The following SLC12A5 variants were observed in gnomAD, a reference collection of about 807,000 sequenced individuals.
SLC12A5 encodes K-Cl cotransporter 2.
A neutral mutation model predicts 124.0 loss-of-function variants in SLC12A5; 18 were observed. The observed-to-expected ratio is 0.15, with a 90% CI of 0.10 to 0.22. The LOEUF (loss-of-function observed/expected upper bound fraction) is 0.22, where lower values mean the gene tolerates loss of function less well. Ranked by LOEUF, SLC12A5 falls within the 10% of genes least tolerant of loss-of-function variation. The pLI is 1.00. For missense variants in SLC12A5, 867 were observed against 1,478.7 expected (o/e 0.59, Z 6.78); for synonymous variants, 589 against 568.0 (o/e 1.04, Z -0.53).
At chr20:46,044,725 C>T (rs2297196) in intron 11 of SLC12A5, 22 of 530,166 alleles carry the variant, frequency 4.1e-5, no homozygotes, top group Middle Eastern at 4.9e-4. Context: ...CAGTGGGGGA[C>T]GTGGGGCTGG....
chr20:46,057,431 G>T lies in SLC12A5; in HGVS notation c.3260-83G>T, dbSNP rs906387280. 1.9e-6 allele frequency: 3 copies of T among 1,600,974 alleles called. No individual in the cohort carries two copies. The highest frequency in any genetic ancestry group is 1.3e-5 in the African/African-American group (1 of 74,596). On this transcript the variant is annotated intron_variant, in intron 25 of 25. Coordinates refer to ENST00000243964, the MANE Select transcript of SLC12A5 (RefSeq NM_020708.5). This position sits in a 1 kb window ranked among gnomAD's most constrained non-coding sequence, Gnocchi z 7.1. ...GCACCTCGGACAGGGACACGGGCGC[G>T]AGAGGTCCCCTGGCAGCCGAGCGCG...
intron 17 of SLC12A5, among the ~76,000 whole-genome samples, chr20:46,050,186 G>A (rs1400710202): frequency 2.0e-5 from 3 of 152,242 alleles, no homozygotes; most frequent in African/African-American, 7.2e-5. Flanking sequence ...GGGTTGACAA[G>A]GTGAGTATCC....
At position 46,043,792 on chromosome 20, in the gene SLC12A5, A is replaced by AT; in HGVS notation, c.1336+61_1336+62insT. The AT allele has an allele frequency of 1.1e-5, 18 of 1,611,020 alleles. No homozygotes were observed. The South Asian group carries it at 1.9e-4, about 17-fold the overall frequency. On this transcript the variant is annotated intron_variant, in intron 10 of 25. Coordinates refer to ENST00000243964, the MANE Select transcript of SLC12A5 (RefSeq NM_020708.5). ...GGAGGGCAAGAGGGAGGGCAGCTGA[A>AT]CTTGCTGCCTTACCTGCTGGTGCAG...
At position 46,031,065 on chromosome 20, in the gene SLC12A5, G is replaced by C. The variant is rs543387159; in HGVS notation, c.52+1669G>C. Among the ~76,000 whole-genome samples the C allele has an allele frequency of 3.6e-3, 545 of 152,290 alleles. 2 individuals are homozygous for C. Among genetic ancestry groups the C allele is most frequent in the Non-Finnish European group, 5.0e-3 (343 of 68,026 alleles). ...CTTCAGATGCCTCCACTCTGAGAGG[G>C]GGACTCAGATGGAGAGCATCTCTCT... is the stretch of plus-strand genomic sequence containing the variant. On this transcript the variant is annotated intron_variant, in intron 1 of 25. Coordinates refer to ENST00000243964, the MANE Select transcript of SLC12A5 (RefSeq NM_020708.5).
intron 1 of SLC12A5, among the ~76,000 whole-genome samples, chr20:46,030,918 C>A (rs999037134): frequency 1.3e-5 from 2 of 151,862 alleles, no homozygotes; most frequent in South Asian, 2.1e-4. Context: ...ACCCTGGGAT[C>A]ACCTCATCCA....
chr20:46,035,584 G>T (rs1363527781), intron 3 of SLC12A5, 49 bp downstream of exon 3: 1 of 1,557,502 alleles, frequency 6.4e-7, no homozygotes. Flanking sequence ...CGGATGGGGG[G>T]TGGGGGAGGA....
In SLC12A5 at chr20:46,034,252, G is replaced by A. The variant is rs546652533; in HGVS notation, c.53-696G>A. Among the ~76,000 whole-genome samples the A allele has an allele frequency of 5.9e-5, 9 of 152,226 alleles. No homozygotes were observed. In the South Asian group the frequency reaches 6.2e-4, roughly 11 times the overall value. On this transcript the variant is annotated intron_variant, in intron 1 of 25. Coordinates refer to ENST00000243964, the MANE Select transcript of SLC12A5 (RefSeq NM_020708.5). ...TCTTACTCATTCTTCAGCTCTCAGC[G>A]GACACGTCACTTCCTCTGGGAAGAC...
intron 17 of SLC12A5, among the ~76,000 whole-genome samples, chr20:46,050,223 C>A (rs1342938866): frequency 6.6e-6 from 1 of 152,206 alleles, no homozygotes; most frequent in African/African-American, 2.4e-5. Context: ...GAAACTGAGA[C>A]CCAGAGAGGG....
At chr20:46,026,600 G>A (rs1402883200), upstream of SLC12A5, among the ~76,000 whole-genome samples, 1 of 152,264 alleles carries the variant, frequency 6.6e-6, no homozygotes, top group African/African-American at 2.4e-5. Context: ...GGGCTCCTTA[G>A]GAAGGGATAT....
intron 20 of SLC12A5, 27 bp from the exon 21 acceptor site, chr20:46,054,889 C>T: frequency 6.3e-7 from 1 of 1,582,138 alleles, no homozygotes; most frequent in Non-Finnish European, 8.7e-7. Context: ...TCCCCACCCC[C>T]CAACCCCAAC....
chr20:46,046,169 G>T (rs975943979), intron 13 of SLC12A5, among the ~76,000 whole-genome samples, 169 bp from the exon 14 acceptor site: 26 of 152,252 alleles, frequency 1.7e-4, no homozygotes, highest in African/African-American at 6.0e-4. Flanking sequence ...CGTGTTATTA[G>T]GGTGTGTTGT....
intron 8 of SLC12A5, among the ~76,000 whole-genome samples, chr20:46,042,840 G>C (rs571128171): frequency 6.6e-6 from 1 of 152,218 alleles, no homozygotes; most frequent in African/African-American, 2.4e-5. Flanking sequence ...CTGGTTTGGG[G>C]TGGGTGGAGG....
Position 46,059,020 on chromosome 20 carries a change from C to A in SLC12A5, c.*1415C>A. On this transcript the variant is annotated 3_prime_UTR_variant, in exon 26 of 26. Coordinates refer to ENST00000243964, the MANE Select transcript of SLC12A5 (RefSeq NM_020708.5). Reference sequence around the variant, plus strand: ...GACCCAGGGCCTTTGGCTTCCCCAGCTCATCCTTGGCCCTTCCGCTCCACC... The same window carrying A: ...GACCCAGGGCCTTTGGCTTCCCCAGATCATCCTTGGCCCTTCCGCTCCACC... The A allele has an allele frequency of 3.1e-6, 1 of 321,242 alleles. No individual in the cohort carries two copies. Among genetic ancestry groups the A allele is most frequent in the Non-Finnish European group, 5.6e-6 (1 of 178,218 alleles). 19.9% of individuals were successfully genotyped at this position (321,242 alleles called of 1,614,324 possible). A position where few individuals can be genotyped will look rare whatever the true frequency, so the allele number is the denominator to read the frequency against.
chr20:46,036,521 T>G lies in SLC12A5; in HGVS notation c.427-220T>G, dbSNP rs1600591746. On this transcript the variant is annotated intron_variant, in intron 4 of 25. Transcript: ENST00000243964. ...GGCTGGGATTTCCAGAGCTCTCTGA[T>G]GCTGTGGCTTGCTTGGGCTCCTTCC... is the stretch of plus-strand genomic sequence containing the variant. The G allele has an allele frequency of 8.8e-6, 4 of 453,820 alleles. No individual in the cohort carries two copies. The East Asian group carries it at 1.5e-4, about 17-fold the overall frequency. The allele number at this position is 453,820 out of a possible 1,614,324, so 28.1% of individuals were successfully genotyped here.
At chr20:46,046,654 C>T (rs549111817) in intron 14 of SLC12A5, among the ~76,000 whole-genome samples, 1 of 152,350 alleles carries the variant, frequency 6.6e-6, no homozygotes, top group Admixed American at 6.5e-5. Context: ...TAAGCGGTCT[C>T]AGCTGGAATC....
intron 1 of SLC12A5, among the ~76,000 whole-genome samples, chr20:46,032,980 G>A (rs937283207): frequency 1.3e-5 from 2 of 152,216 alleles, no homozygotes; most frequent in East Asian, 1.9e-4. Flanking sequence ...ACTCACATAT[G>A]TGAGAAGAAA....
In SLC12A5 at chr20:46,029,273, G is replaced by A. The variant is rs2084423431; in HGVS notation, c.-72G>A. 6.6e-7 allele frequency: 1 copy of A among 1,504,678 alleles called. No homozygotes were observed. The highest frequency in any genetic ancestry group is 1.3e-5 in the South Asian group (1 of 77,166). The allele number at this position is 1,504,678 out of a possible 1,614,324, so 93.2% of individuals were successfully genotyped here. On this transcript the variant is annotated 5_prime_UTR_variant, in exon 1 of 26. Transcript: ENST00000243964. ...AGACAGAGCTACAGCGAACGAGAGAGCGGCGAAGGCGGGTAGAGGGGCGCG... is the reference window on the plus strand; with the variant it reads ...AGACAGAGCTACAGCGAACGAGAGAACGGCGAAGGCGGGTAGAGGGGCGCG...
intron 2 of SLC12A5, 53 bp from the exon 3 acceptor site, chr20:46,035,351 G>C (rs1238034743): frequency 1.3e-6 from 2 of 1,582,206 alleles, no homozygotes; most frequent in South Asian, 2.3e-5. Context: ...TCGCCACCCA[G>C]CTCACTCCAC....
chr20:46,038,721 T>C (rs973284652), intron 6 of SLC12A5, among the ~76,000 whole-genome samples: 2 of 152,188 alleles, frequency 1.3e-5, no homozygotes, highest in Admixed American at 6.5e-5. Context: ...ACAAACAGCA[T>C]TGTAACTGAA....
Sources: allele counts gnomAD v4.1 joint callset (sites outside exome capture counted in the v4.1 genomes callset), GRCh38; gene constraint gnomAD v4.1.1; non-coding constraint Gnocchi (gnomAD v3.1); transcripts MANE v1.5; gene names NCBI Gene and HGNC (gene_info 2026-07-23, HGNC 2026-07-21).